Variants in ARHGAP25 observed in about 807,000 individuals in gnomAD.
The protein encoded by ARHGAP25 is Rho GTPase activating protein 25, also known as rho GTPase-activating protein 25.
ARHGAP25 carries 34 observed loss-of-function variants against 71.0 expected under a neutral mutation model. That is an observed-to-expected ratio of 0.48 (90% CI 0.36 to 0.64). The LOEUF (loss-of-function observed/expected upper bound fraction) is 0.64, where lower values mean the gene tolerates loss of function less well. Among genes scored for constraint, ARHGAP25 ranks in the 30% least tolerant of loss-of-function variants. The probability of loss-of-function intolerance (pLI) is 0.00; values close to 1 mark genes in which losing one functional copy is unlikely to be tolerated. For missense variants in ARHGAP25, 706 were observed against 805.1 expected, an observed-to-expected ratio of 0.88 and a Z score of 1.49; for synonymous variants, 282 against 296.5, an observed-to-expected ratio of 0.95 and a Z score of 0.50.
intron 4 of ARHGAP25, among the ~76,000 whole-genome samples, chr2:68,804,558 AC>A (rs1680227933): frequency 6.6e-6 from 1 of 152,054 alleles, no homozygotes; most frequent in Non-Finnish European, 1.5e-5. Context: ...GTTTTGTGTG[AC>A]CCCTCAAAGG....
chr2:68,793,328 A>T (rs1679324084), intron 4 of ARHGAP25, among the ~76,000 whole-genome samples: 1 of 152,118 alleles, frequency 6.6e-6, no homozygotes, highest in Non-Finnish European at 1.5e-5. Flanking sequence ...TTGAGGCCTT[A>T]GTCATGAATT....
At chr2:68,810,720 T>C (rs1680730458) in intron 5 of ARHGAP25, among the ~76,000 whole-genome samples, 1 of 84,366 alleles carries the variant, frequency 1.2e-5, no homozygotes, top group South Asian at 4.1e-4. Flanking sequence ...CAATTTCTTT[T>C]CTTTTCTTCT....
rs149195188 is a variant in ARHGAP25, at chr2:68,714,910, G to A, written c.-18+4212G>A. Among the ~76,000 whole-genome samples, 5 of 152,186 alleles carry A rather than the reference G, an allele frequency of 3.3e-5. No homozygotes were observed. In the East Asian group the frequency reaches 9.6e-4, roughly 29 times the overall value. On this transcript the variant is annotated intron_variant and NMD_transcript_variant, in intron 2 of 7. Transcript: ENST00000463483. The stretch of plus-strand genomic sequence containing the variant: ...AGAAAAATACAATGGGTTCAGATGG[G>A]CATATGACAATAATAAAATGTCTCA...
At chr2:68,775,080 C>G in intron 1 of ARHGAP25, 141 bp from the exon 2 acceptor site, 1 of 1,551,318 alleles carries the variant, frequency 6.4e-7, no homozygotes, top group South Asian at 1.2e-5. Context: ...TTCTCTGGCT[C>G]AGATCCGGAC....
intron 4 of ARHGAP25, 93 bp downstream of exon 4, chr2:68,788,049 C>A: frequency 1.0e-6 from 1 of 978,676 alleles, no homozygotes; most frequent in Non-Finnish European, 1.6e-6. Context: ...GAGCAGTGCT[C>A]AAGGGAGACA....
chr2:68,765,273 C>T (rs1352528834), intron 1 of ARHGAP25, among the ~76,000 whole-genome samples: 1 of 151,814 alleles, frequency 6.6e-6, no homozygotes, highest in African/African-American at 2.4e-5. Context: ...TGTGTAGTGT[C>T]ATTCCGCTGT....
chr2:68,806,854 C>G (rs774538843), intron 4 of ARHGAP25, among the ~76,000 whole-genome samples: 1 of 152,196 alleles, frequency 6.6e-6, no homozygotes, highest in Non-Finnish European at 1.5e-5. Context: ...TGGGAGTTCA[C>G]TGCCTAGGCC....
At chr2:68,749,565 G>A (rs1241795849) in intron 1 of ARHGAP25, among the ~76,000 whole-genome samples, 1 of 152,140 alleles carries the variant, frequency 6.6e-6, no homozygotes, top group East Asian at 1.9e-4. Context: ...TGCGAGTGTC[G>A]ATAGCTTTGT....
chr2:68,791,235 C>G (rs1027324090), intron 4 of ARHGAP25, among the ~76,000 whole-genome samples: 5 of 152,226 alleles, frequency 3.3e-5, no homozygotes, highest in Non-Finnish European at 5.9e-5. Flanking sequence ...TTGTTCCTAG[C>G]TAGACTCCCC....
chr2:68,783,397 A>G (rs1367545801), intron 3 of ARHGAP25, among the ~76,000 whole-genome samples: 1 of 152,202 alleles, frequency 6.6e-6, no homozygotes, highest in African/African-American at 2.4e-5. Context: ...CTGTTTATAG[A>G]ATACAAATTT....
chr2:68,715,718 C>G (rs1674593747), intron 2 of ARHGAP25, among the ~76,000 whole-genome samples: 1 of 152,168 alleles, frequency 6.6e-6, no homozygotes, highest in Non-Finnish European at 1.5e-5. Flanking sequence ...GGGAGCCATC[C>G]TACTGTGGAC....
At chr2:68,806,452 G>T (rs143503613) in intron 4 of ARHGAP25, among the ~76,000 whole-genome samples, 1 of 152,168 alleles carries the variant, frequency 6.6e-6, no homozygotes. Flanking sequence ...TTTCAAGACC[G>T]CAGTGGATGC....
chr2:68,772,186 T>G (rs953062982), intron 1 of ARHGAP25, among the ~76,000 whole-genome samples: 3 of 152,264 alleles, frequency 2.0e-5, no homozygotes, highest in Admixed American at 1.3e-4. Context: ...TTTTCTCTTC[T>G]GCTAACCGCT....
intron 2 of ARHGAP25, among the ~76,000 whole-genome samples, chr2:68,776,720 C>A (rs1230202888): frequency 1.3e-5 from 2 of 152,162 alleles, no homozygotes; most frequent in Non-Finnish European, 2.9e-5. Context: ...GCACAGCTGT[C>A]ACCCACCTAG....
At chr2:68,819,077 C>A in intron 8 of ARHGAP25, 46 bp from the exon 9 acceptor site, 1 of 1,479,632 alleles carries the variant, frequency 6.8e-7, no homozygotes, top group Non-Finnish European at 9.1e-7. Flanking sequence ...GGACTGACTA[C>A]CTGCCTCCTA....
intron 1 of ARHGAP25, among the ~76,000 whole-genome samples, chr2:68,758,498 G>C (rs1037541886): frequency 8.6e-5 from 13 of 151,818 alleles, no homozygotes; most frequent in African/African-American, 3.1e-4. Context: ...TTTAAAAAAT[G>C]CTACAAGAAA....
Position 68,826,069 on chromosome 2 carries a change from G to A in ARHGAP25, c.1816G>A (p.Ala606Thr), listed in dbSNP as rs747310847. 1.9e-6 allele frequency: 3 copies of A among 1,614,148 alleles called. No individual in the cohort carries two copies. The highest frequency in any genetic ancestry group is 1.7e-5 in the Admixed American group (1 of 60,020). The change falls in exon 11 of 11, where the codon GCC becomes ACC. Residue 606 changes from alanine to threonine, a missense_variant. Coordinates refer to ENST00000409202, the MANE Select transcript of ARHGAP25 (RefSeq NM_001007231.3). ...GGAGAAGGAAAAGAAGAAGTCTGCA[G>A]CCCTAGAGATCAGCCTCCGCAACAT... ...ELEKEKKKSA[A>T]LEISLRNMER...
chr2:68,826,143 A>G lies in ARHGAP25; in HGVS notation c.1890A>G (p.Glu630=). 6.2e-7 allele frequency: 1 copy of G among 1,614,184 alleles called. No individual in the cohort carries two copies. Among genetic ancestry groups the G allele is most frequent in the Non-Finnish European group, 8.5e-7 (1 of 1,180,032 alleles). Residue 630 remains glutamate (E), a synonymous_variant, in exon 11 of 11, where the codon GAA becomes GAG. Transcript: ENST00000409202. ...DVEKRNKALE[E]EVKEFVKSMK... is the part of the protein sequence containing the mutation. The stretch of plus-strand genomic sequence containing the variant: ...AGAAGAGGAACAAGGCCTTGGAAGA[A>G]GAAGTCAAGGAATTTGTCAAATCCA...
chr2:68,770,503 G>T lies in ARHGAP25; in HGVS notation c.62-4718G>T, dbSNP rs140935056. ...GAATTGAGAGCAGATTATTTTGAGGGTTCAGCGGCAGAAGATGAAGAAAGG... is the reference window on the plus strand; with the variant it reads ...GAATTGAGAGCAGATTATTTTGAGGTTTCAGCGGCAGAAGATGAAGAAAGG... On this transcript the variant is annotated intron_variant, in intron 1 of 10. Transcript: ENST00000409202. 1.4e-4 allele frequency among the ~76,000 whole-genome samples: 22 copies of T among 152,324 alleles called. 1 individual carries two copies. The highest frequency in any genetic ancestry group is 2.9e-4 in the Non-Finnish European group (20 of 68,034).
Sources: gnomAD v4.1 joint callset for allele counts (sites outside exome capture counted in the v4.1 genomes callset) on GRCh38, gnomAD v4.1.1 for gene constraint, MANE v1.5 for transcripts, NCBI Gene and HGNC (gene_info 2026-07-23, HGNC 2026-07-21) for gene names.